Variants in SAMD12 observed in about 807,000 individuals in gnomAD.
The protein encoded by SAMD12 is sterile alpha motif domain-containing protein 12.
SAMD12 carries 9 observed loss-of-function variants against 15.0 expected under a neutral mutation model. That is an observed-to-expected ratio of 0.60 (90% CI 0.36 to 1.05). The LOEUF is 1.05. Among genes scored for constraint, SAMD12 ranks in the 50% least tolerant of loss-of-function variants. SAMD12 has a pLI of 0.01. For missense variants in SAMD12, 230 were observed against 234.2 expected (o/e 0.98, Z 0.12); for synonymous variants, 86 against 90.1 (o/e 0.96, Z 0.25).
chr8:118,281,238 A>G (rs1813634869), intron 4 of SAMD12, among the ~76,000 whole-genome samples: 1 of 152,206 alleles, frequency 6.6e-6, no homozygotes, highest in Admixed American at 6.5e-5. Flanking sequence ...GAGAACAATC[A>G]CATGATGAGT....
intron 2 of SAMD12, among the ~76,000 whole-genome samples, chr8:118,558,809 A>G (rs1274520513): frequency 6.6e-6 from 1 of 152,108 alleles, no homozygotes; most frequent in Admixed American, 6.5e-5. Context: ...CACCCGCCTC[A>G]GCCTCCGAAA....
the SAMD12 span, among the ~76,000 whole-genome samples, chr8:118,174,856 G>A: frequency 6.6e-6 from 1 of 151,802 alleles, no homozygotes. Context: ...ATGTCTTTAT[G>A]TACTTCTTTG....
chr8:118,258,436 A>G (rs1463727873), intron 4 of SAMD12, among the ~76,000 whole-genome samples: 2 of 149,796 alleles, frequency 1.3e-5, no homozygotes, highest in South Asian at 2.1e-4. Context: ...ATTCATTCAT[A>G]TGTTTCCTTC....
intron 2 of SAMD12, among the ~76,000 whole-genome samples, chr8:118,491,672 T>A (rs1824443349): frequency 6.6e-6 from 1 of 152,184 alleles, no homozygotes; most frequent in Non-Finnish European, 1.5e-5. Context: ...TGCTTGTTTT[T>A]GTATATCATA....
intron 1 of SAMD12, among the ~76,000 whole-genome samples, chr8:118,612,634 C>T (rs932324550): frequency 9.2e-5 from 14 of 152,164 alleles, no homozygotes; most frequent in Admixed American, 5.2e-4. Context: ...TTTGAGACAC[C>T]GTCAATCTGG....
intron 1 of SAMD12, among the ~76,000 whole-genome samples, chr8:118,582,764 C>T (rs1286977699): frequency 2.0e-5 from 3 of 152,082 alleles, no homozygotes; most frequent in East Asian, 1.9e-4. Flanking sequence ...TTAGTATACA[C>T]GATTTCATAT....
At chr8:118,529,891 C>T (rs182264165) in intron 2 of SAMD12, among the ~76,000 whole-genome samples, 2 of 152,228 alleles carry the variant, frequency 1.3e-5, no homozygotes, top group East Asian at 1.9e-4. Flanking sequence ...TGGGTAGATA[C>T]CTAGCAGTAG....
chr8:118,217,362 A>G (rs748091512), intron 4 of SAMD12, among the ~76,000 whole-genome samples: 4 of 152,174 alleles, frequency 2.6e-5, no homozygotes, highest in African/African-American at 9.7e-5. Context: ...CCAGATCAGT[A>G]TCCCTACAAA....
At chr8:118,280,460 C>T (rs1813593897) in intron 4 of SAMD12, among the ~76,000 whole-genome samples, 1 of 152,076 alleles carries the variant, frequency 6.6e-6, no homozygotes, top group Non-Finnish European at 1.5e-5. Flanking sequence ...TCACTGATGC[C>T]TCCAGGGAGA....
chr8:118,131,993 G>A, the SAMD12 span, among the ~76,000 whole-genome samples: 1 of 152,060 alleles, frequency 6.6e-6, no homozygotes, highest in Non-Finnish European at 1.5e-5. Context: ...AATGGGTATG[G>A]TATACCCCAA....
intron 4 of SAMD12, among the ~76,000 whole-genome samples, chr8:118,359,814 A>G (rs1308072249): frequency 6.6e-6 from 1 of 152,202 alleles, no homozygotes; most frequent in South Asian, 2.1e-4. Context: ...AATGATAGTG[A>G]TTATCACTGA....
chr8:118,146,156 G>C, the SAMD12 span, among the ~76,000 whole-genome samples: 1 of 152,176 alleles, frequency 6.6e-6, no homozygotes, highest in Non-Finnish European at 1.5e-5. Context: ...GGTTTAAGAG[G>C]ATGCCTGGAT....
At chr8:118,299,787 C>T (rs1814920541) in intron 4 of SAMD12, among the ~76,000 whole-genome samples, 1 of 152,128 alleles carries the variant, frequency 6.6e-6, no homozygotes, top group Admixed American at 6.5e-5. Flanking sequence ...TCATGGCCTA[C>T]AGACATATGG....
intron 3 of SAMD12, among the ~76,000 whole-genome samples, chr8:118,427,173 C>A (rs1204825135): frequency 2.6e-5 from 4 of 152,136 alleles, no homozygotes; most frequent in Admixed American, 6.5e-5. Flanking sequence ...GTATCTATAT[C>A]ATGGATAAAT....
intron 4 of SAMD12, among the ~76,000 whole-genome samples, chr8:118,258,911 T>C (rs1004130757): frequency 2.6e-5 from 4 of 152,086 alleles, no homozygotes; most frequent in African/African-American, 7.2e-5. Flanking sequence ...ACCACGCTCA[T>C]CTGCCAGGCC....
chr8:118,552,943 A>C (rs866196906), intron 2 of SAMD12, among the ~76,000 whole-genome samples: 1 of 152,028 alleles, frequency 6.6e-6, no homozygotes, highest in Non-Finnish European at 1.5e-5. Flanking sequence ...TGCTTCAAAG[A>C]GAATAAAATA....
chr8:118,429,201 T>G lies in SAMD12; in HGVS notation c.322+10631A>C, dbSNP rs554954308. On this transcript the variant is annotated intron_variant, in intron 3 of 3. Transcript: ENST00000314727. Reference sequence around the variant, plus strand: ...TTGTATTTTGCGCACTAAGTTATATTATTAGTTCTTGTAGGATTTTTTTCT... The same window carrying G: ...TTGTATTTTGCGCACTAAGTTATATGATTAGTTCTTGTAGGATTTTTTTCT... Among the ~76,000 whole-genome samples the G allele has an allele frequency of 1.1e-4, 17 of 152,342 alleles. No homozygotes were observed. In the East Asian group the frequency reaches 3.1e-3, roughly 28 times the overall value.
intron 4 of SAMD12, among the ~76,000 whole-genome samples, chr8:118,296,580 T>A (rs1291331249): frequency 6.6e-6 from 1 of 152,182 alleles, no homozygotes; most frequent in Non-Finnish European, 1.5e-5. Flanking sequence ...CAGCACTTGG[T>A]GAAGTGCAAG....
chr8:118,192,834 A>T (rs1279567485), exon 5 of SAMD12: 1 of 152,208 alleles, frequency 6.6e-6, no homozygotes, highest in African/African-American at 2.4e-5. Context: ...TACATTAAGT[A>T]TATGCTGTTG....
Sources: allele counts gnomAD v4.1 joint callset (sites outside exome capture counted in the v4.1 genomes callset), GRCh38; gene constraint gnomAD v4.1.1; transcripts MANE v1.5; gene names NCBI Gene and HGNC (gene_info 2026-07-23, HGNC 2026-07-21).